Variants in SLAMF9 observed in about 807,000 individuals in gnomAD.
The protein encoded by SLAMF9 is SLAM family member 9, also known as CD2 family member 10.
SLAMF9 carries 25 observed loss-of-function variants against 30.4 expected under a neutral mutation model. The observed-to-expected ratio is 0.82, with a 90% CI of 0.60 to 1.15. The LOEUF is 1.15. SLAMF9 is among the 50% of genes most tolerant of loss of function. The probability of loss-of-function intolerance (pLI) is 0.00; values close to 1 mark genes in which losing one functional copy is unlikely to be tolerated. For synonymous variants in SLAMF9, 129 were observed against 127.2 expected (o/e 1.01, Z -0.09); for missense variants, 344 against 346.1 (o/e 0.99, Z 0.05).
chr1:159,960,348 T>C, the SLAMF9 span, among the ~76,000 whole-genome samples: 1 of 151,528 alleles, frequency 6.6e-6, no homozygotes, highest in South Asian at 2.1e-4. Flanking sequence ...CATAAACTCA[T>C]CATTTTTTAT....
At chr1:159,976,244 T>G in the SLAMF9 span, among the ~76,000 whole-genome samples, 1 of 152,170 alleles carries the variant, frequency 6.6e-6, no homozygotes, top group Non-Finnish European at 1.5e-5. Flanking sequence ...GTTAAATAAA[T>G]TATGGTCCAG....
At chr1:159,973,737 C>T in the SLAMF9 span, 3 of 1,499,556 alleles carry the variant, frequency 2.0e-6, no homozygotes, top group Non-Finnish European at 1.9e-6. Context: ...CTACTGATCT[C>T]TAGAGACGGG....
At chr1:159,973,286 G>A in the SLAMF9 span, 1 of 688,892 alleles carries the variant, frequency 1.5e-6, no homozygotes, top group Non-Finnish European at 2.5e-6. Flanking sequence ...ACTGCTCTGG[G>A]GAGATGCAGG....
At chr1:159,977,380 G>T in the SLAMF9 span, among the ~76,000 whole-genome samples, 6 of 152,192 alleles carry the variant, frequency 3.9e-5, no homozygotes, top group Admixed American at 3.9e-4. Flanking sequence ...ACTGGAAGAC[G>T]TGAGGTTAGC....
At chr1:159,961,890 G>A in the SLAMF9 span, among the ~76,000 whole-genome samples, 31 of 152,102 alleles carry the variant, frequency 2.0e-4, no homozygotes, top group South Asian at 2.1e-3. Flanking sequence ...CGGGCGTGGC[G>A]GCTCATGCCT....
At chr1:159,973,185 A>AG in the SLAMF9 span, 2 of 1,502,922 alleles carry the variant, frequency 1.3e-6, no homozygotes, top group South Asian at 2.3e-5. Flanking sequence ...GGCTGACCTC[A>AG]GGGGGTGCAG....
chr1:159,974,460 C>T, the SLAMF9 span, among the ~76,000 whole-genome samples: 1 of 152,186 alleles, frequency 6.6e-6, no homozygotes, highest in African/African-American at 2.4e-5. Context: ...TCACATGCTG[C>T]CCCAGTCCAG....
At chr1:159,961,679 G>A in the SLAMF9 span, among the ~76,000 whole-genome samples, 1 of 152,312 alleles carries the variant, frequency 6.6e-6, no homozygotes, top group South Asian at 2.1e-4. Flanking sequence ...CTCGCAGAGG[G>A]AGCAGCCTGT....
the SLAMF9 span, among the ~76,000 whole-genome samples, chr1:159,974,466 T>A: frequency 6.6e-6 from 1 of 152,180 alleles, no homozygotes; most frequent in Non-Finnish European, 1.5e-5. Flanking sequence ...GCTGCCCCAG[T>A]CCAGGCTGAC....
the SLAMF9 span, among the ~76,000 whole-genome samples, chr1:159,968,256 G>A: frequency 6.6e-6 from 1 of 152,152 alleles, no homozygotes; most frequent in Non-Finnish European, 1.5e-5. Context: ...GGATTTTACT[G>A]TGTTGAGGTA....
the SLAMF9 span, among the ~76,000 whole-genome samples, chr1:159,968,288 T>G: frequency 2.0e-5 from 3 of 152,210 alleles, no homozygotes; most frequent in Admixed American, 6.5e-5. Flanking sequence ...ACTTACTCTT[T>G]TGAGAACTGT....
At chr1:159,974,654 C>A in the SLAMF9 span, among the ~76,000 whole-genome samples, 1 of 152,198 alleles carries the variant, frequency 6.6e-6, no homozygotes, top group Non-Finnish European at 1.5e-5. Context: ...TCCACCCCAG[C>A]CATGCAAAGG....
At chr1:159,974,349 A>G in the SLAMF9 span, among the ~76,000 whole-genome samples, 2 of 151,592 alleles carry the variant, frequency 1.3e-5, no homozygotes, top group African/African-American at 4.9e-5. Context: ...CCTACCATAT[A>G]TTGGGTTTTC....
At chr1:159,971,072 G>A in the SLAMF9 span, among the ~76,000 whole-genome samples, 10 of 152,122 alleles carry the variant, frequency 6.6e-5, no homozygotes, top group Non-Finnish European at 8.8e-5. Flanking sequence ...TAAATCACAC[G>A]CTGCCCACGT....
the SLAMF9 span, among the ~76,000 whole-genome samples, chr1:159,980,333 C>A: frequency 1.3e-5 from 2 of 152,098 alleles, no homozygotes; most frequent in Non-Finnish European, 2.9e-5. Flanking sequence ...TCTGCCACAT[C>A]CCCCGACGCC....
the SLAMF9 span, among the ~76,000 whole-genome samples, chr1:159,971,208 C>T: frequency 6.6e-6 from 1 of 152,180 alleles, no homozygotes; most frequent in African/African-American, 2.4e-5. Context: ...GTTGAACTGT[C>T]TGATGGCCAA....
chr1:159,973,716 T>C, the SLAMF9 span: 86 of 1,314,950 alleles, frequency 6.5e-5, no homozygotes, highest in East Asian at 2.0e-3. Flanking sequence ...ACAGGGGTCC[T>C]GTCCAGAGAG....
the SLAMF9 span, among the ~76,000 whole-genome samples, chr1:159,971,634 A>C: frequency 6.6e-6 from 1 of 152,150 alleles, no homozygotes; most frequent in South Asian, 2.1e-4. Flanking sequence ...AGACCAAGGA[A>C]GGTGCAGAGA....
upstream of SLAMF9, among the ~76,000 whole-genome samples, chr1:159,954,887 T>C (rs1571230577): frequency 6.6e-6 from 1 of 152,084 alleles, no homozygotes; most frequent in Non-Finnish European, 1.5e-5. Context: ...GAGACCAGCC[T>C]GGCCAACATG....
Sources: gnomAD v4.1 joint callset for allele counts (sites outside exome capture counted in the v4.1 genomes callset) on GRCh38, gnomAD v4.1.1 for gene constraint, MANE v1.5 for transcripts, NCBI Gene and HGNC (gene_info 2026-07-23, HGNC 2026-07-21) for gene names.